The following POLK variants were observed in gnomAD, a reference collection of about 807,000 sequenced individuals.
The protein encoded by POLK is DNA polymerase kappa.
Under a neutral mutation model 94.0 loss-of-function variants are expected in POLK, and 76 were observed. The ratio of observed to expected loss-of-function variants is 0.81; its 90% confidence interval spans 0.67 to 0.98. POLK has a LOEUF of 0.98. Among genes scored for constraint, POLK ranks in the 50% least tolerant of loss-of-function variants. POLK has a pLI of 0.00. For synonymous variants in POLK, 349 were observed against 325.4 expected (o/e 1.07, Z -0.78); for missense variants, 954 against 1,010.1 (o/e 0.94, Z 0.75).
chr5:75,584,639 C>G, intron 8 of POLK, 121 bp from the exon 9 acceptor site: 1 of 609,206 alleles, frequency 1.6e-6, no homozygotes, highest in South Asian at 2.4e-5. Flanking sequence ...CCACTGTACT[C>G]CAGCTTGGGC....
rs747548630 is a variant in POLK at position 75,511,783 on chromosome 5, G to A, written c.-145G>A. Reference sequence around the variant, plus strand: ...CCTCCGGCTCTCCCGGGTGACGACGGGTAGAAAAGCAGGAGGAGCGGAGAA... The same window carrying A: ...CCTCCGGCTCTCCCGGGTGACGACGAGTAGAAAAGCAGGAGGAGCGGAGAA... On this transcript the variant is annotated 5_prime_UTR_variant, in exon 1 of 15. Transcript: ENST00000241436. 9 of 1,551,412 alleles carry A rather than the reference G, an allele frequency of 5.8e-6. No individual in the cohort carries two copies. In the African/African-American group the frequency reaches 9.6e-5, roughly 17 times the overall value.
In POLK at chr5:75,583,437, T is replaced by G. The variant is rs934327417; in HGVS notation, c.1059+20T>G. 6.7e-7 allele frequency: 1 copy of G among 1,485,306 alleles called. No individual in the cohort carries two copies. Among genetic ancestry groups the G allele is most frequent in the African/African-American group, 1.4e-5 (1 of 72,126 alleles). The allele number at this position is 1,485,306 out of a possible 1,614,324, so 92.0% of individuals were successfully genotyped here. On this transcript the variant is annotated intron_variant, in intron 8 of 14. Transcript: ENST00000241436. ...AGAAAGGTAAGATTTTTACATAAAGTTTATTTATATATGTACTCTGAATTC... is the reference window on the plus strand; with the variant it reads ...AGAAAGGTAAGATTTTTACATAAAGGTTATTTATATATGTACTCTGAATTC...
exon 13 of POLK, chr5:75,596,675 G>A: frequency 6.2e-7 from 1 of 1,613,904 alleles, no homozygotes; most frequent in South Asian, 1.1e-5. Context: ...ATGTTCTCGT[G>A]TTCACATGTT....
intron 1 of POLK, among the ~76,000 whole-genome samples, chr5:75,521,863 G>A (rs1302630801): frequency 1.3e-5 from 2 of 152,056 alleles, no homozygotes; most frequent in African/African-American, 2.4e-5. Flanking sequence ...GGATCAGAGT[G>A]TTGCCTGTTA....
downstream of POLK, among the ~76,000 whole-genome samples, chr5:75,605,615 A>G (rs1384613047): frequency 2.0e-5 from 3 of 152,196 alleles, no homozygotes; most frequent in East Asian, 5.8e-4. Context: ...TTGTCCTTCA[A>G]CATTCTACTT....
At chr5:75,522,030 G>A (rs543069386) in intron 1 of POLK, among the ~76,000 whole-genome samples, 1 of 152,374 alleles carries the variant, frequency 6.6e-6, no homozygotes, top group East Asian at 1.9e-4. Context: ...AAAGAGCAGA[G>A]TTTCCAAGAC....
upstream of POLK, chr5:75,511,614 G>T: frequency 6.8e-7 from 1 of 1,474,294 alleles, no homozygotes; most frequent in South Asian, 1.4e-5. Context: ...CCATCTTCCT[G>T]CCTGGCCCAC....
chr5:75,550,875 T>A (rs1030498052), intron 2 of POLK, among the ~76,000 whole-genome samples: 1 of 152,120 alleles, frequency 6.6e-6, no homozygotes, highest in Non-Finnish European at 1.5e-5. Context: ...CACTCTCACC[T>A]TTTCTACTCA....
At chr5:75,601,585 A>G (rs4703675), downstream of POLK, among the ~76,000 whole-genome samples, 18,974 of 152,158 alleles carry the variant, frequency 0.12, 1,302 homozygotes, top group East Asian at 0.23. Context: ...GGAAGGTGGA[A>G]GGACTACACT....
intron 3 of POLK, among the ~76,000 whole-genome samples, chr5:75,566,177 C>G (rs1235320828): frequency 6.6e-6 from 1 of 152,184 alleles, no homozygotes; most frequent in Admixed American, 6.5e-5. Context: ...AGGGGAAAAC[C>G]ACCTACTCAG....
At position 75,593,873 on chromosome 5, in the gene POLK, T is replaced by C; in HGVS notation, c.1357-5T>C. Reference sequence around the variant, plus strand: ...TAAATAAATAACATATTGTATATGTTATAGGGTAGAACTGTTACCATTAAG... The same window carrying C: ...TAAATAAATAACATATTGTATATGTCATAGGGTAGAACTGTTACCATTAAG... On this transcript the variant is annotated splice_polypyrimidine_tract_variant and splice_region_variant and intron_variant, in intron 11 of 14. Transcript: ENST00000241436. 6.6e-7 allele frequency: 1 copy of C among 1,515,394 alleles called. No individual in the cohort carries two copies. Among genetic ancestry groups the C allele is most frequent in the Non-Finnish European group, 9.1e-7 (1 of 1,098,970 alleles). 93.9% of individuals were successfully genotyped at this position (1,515,394 alleles called of 1,614,324 possible). A position where few individuals can be genotyped will look rare whatever the true frequency, so the allele number is the denominator to read the frequency against.
Position 75,563,252 on chromosome 5 carries a change from G to T in POLK, c.256-6088G>T, listed in dbSNP as rs144987233. Among the ~76,000 whole-genome samples, 299 of 152,172 alleles carry T rather than the reference G, an allele frequency of 2.0e-3. 2 individuals carry two copies. The highest frequency in any genetic ancestry group is 6.3e-3 in the African/African-American group (260 of 41,540). On this transcript the variant is annotated intron_variant, in intron 3 of 14. Coordinates refer to ENST00000241436, the Ensembl canonical transcript of POLK. ...GCTGGGATTACAGACGTGAGCCACT[G>T]TATCTGGCTGTGAATCTGTCTGGTC...
chr5:75,576,658 T>C, intron 5 of POLK, 122 bp from the exon 6 acceptor site: 1 of 444,830 alleles, frequency 2.2e-6, no homozygotes. Flanking sequence ...CCATGAACTA[T>C]TGACTGCAGG....
chr5:75,526,227 TA>T (rs1345214543), intron 1 of POLK, among the ~76,000 whole-genome samples: 37 of 151,604 alleles, frequency 2.4e-4, no homozygotes, highest in Non-Finnish European at 4.9e-4. Flanking sequence ...CTCCGTCTCT[TA>T]AAAAAAAGAA....
At chr5:75,535,756 G>A (rs745939693) in intron 1 of POLK, among the ~76,000 whole-genome samples, 7 of 152,060 alleles carry the variant, frequency 4.6e-5, no homozygotes, top group Non-Finnish European at 1.0e-4. Flanking sequence ...TTAATACTTG[G>A]GATTGCATTT....
chr5:75,537,487 G>T lies in POLK; in HGVS notation c.-13-9523G>T, dbSNP rs114665897. 9.3e-4 allele frequency among the ~76,000 whole-genome samples: 142 copies of T among 152,276 alleles called. 7 individuals carry two copies. In the East Asian group the frequency reaches 0.027, roughly 29 times the overall value. ...CCCTGCTGCCTTGATAGATCTCAAC[G>T]TTGTTTCTCAGATGATCAGCTTGCA... On this transcript the variant is annotated intron_variant, in intron 1 of 14. Transcript: ENST00000241436.
chr5:75,590,315 G>T (rs1357418066), intron 10 of POLK, 29 bp from the exon 11 acceptor site: 2 of 1,280,702 alleles, frequency 1.6e-6, no homozygotes, highest in African/African-American at 1.5e-5. Flanking sequence ...AGTTTACTTT[G>T]TGCGCCAAAA....
At chr5:75,609,123 T>G in the POLK span, 1 of 152,214 alleles carries the variant, frequency 6.6e-6, no homozygotes, top group African/African-American at 2.4e-5. Flanking sequence ...CTATATAGCA[T>G]AAAATGATGA....
At position 75,525,423 on chromosome 5, in the gene POLK, G is replaced by A. The variant is rs929954243; in HGVS notation, c.-14+13509G>A. 2.9e-4 allele frequency among the ~76,000 whole-genome samples: 44 copies of A among 152,064 alleles called. 1 individual carries two copies. The highest frequency in any genetic ancestry group is 1.0e-3 in the African/African-American group (42 of 41,404). ...TAATAGCAAAATGGAAATGACAGAG[G>A]AATTGGTCTGTCAGTTCGAAGATAG... On this transcript the variant is annotated intron_variant, in intron 1 of 14. Transcript: ENST00000241436.
Sources: gnomAD v4.1 joint callset for allele counts (sites outside exome capture counted in the v4.1 genomes callset) on GRCh38, gnomAD v4.1.1 for gene constraint, MANE v1.5 for transcripts, NCBI Gene and HGNC (gene_info 2026-07-23, HGNC 2026-07-21) for gene names.